NBPF20: variants seen among roughly 807,000 people sequenced by gnomAD.
NBPF20 encodes NBPF family member NBPF20.
Under a neutral mutation model 68.1 loss-of-function variants are expected in NBPF20, and 90 were observed. That is an observed-to-expected ratio of 1.32 (90% confidence interval 1.11 to 1.58). The LOEUF (loss-of-function observed/expected upper bound fraction) is 1.58. Ranked by LOEUF, NBPF20 falls within the 40% of genes most tolerant of loss-of-function variation. NBPF20 has a pLI of 0.00. For synonymous variants in NBPF20, 290 were observed against 228.1 expected (o/e 1.27, Z -2.45); for missense variants, 816 against 601.2 (o/e 1.36, Z -3.74).
the NBPF20 span, among the ~76,000 whole-genome samples, chr1:145,410,988 CTT>C: frequency 2.1e-5 from 3 of 142,490 alleles, no homozygotes; most frequent in Non-Finnish European, 4.6e-5. Flanking sequence ...TGGATTCTCT[CTT>C]CTCTTCCACT....
exon 10 of NBPF20, chr1:145,393,085 A>C (rs1318508769): frequency 3.4e-6 from 2 of 581,794 alleles, no homozygotes; most frequent in Admixed American, 6.8e-5. Flanking sequence ...ATCCATGTCA[A>C]CAGCCAAGCC....
intron 9 of NBPF20, among the ~76,000 whole-genome samples, chr1:145,393,467 A>ACG (rs1662030348): frequency 1.4e-5 from 2 of 141,326 alleles, no homozygotes; most frequent in South Asian, 4.3e-4. Context: ...AAACACACAC[A>ACG]CACACACACA....
At chr1:145,311,781 C>T (rs1348629836) in intron 112 of NBPF20, among the ~76,000 whole-genome samples, 1 of 71,362 alleles carries the variant, frequency 1.4e-5, no homozygotes, top group African/African-American at 9.7e-5. Flanking sequence ...AAAGCAAATG[C>T]CCCCAAATGG....
exon 6 of NBPF20, chr1:145,400,429 G>A (rs1482702632): frequency 6.2e-7 from 1 of 1,613,090 alleles, no homozygotes; most frequent in African/African-American, 1.3e-5. Context: ...CAACATGAGA[G>A]GATGAGCCAA....
chr1:145,404,222 ACT>A (rs1164599255), intron 2 of NBPF20, among the ~76,000 whole-genome samples: 5 of 142,618 alleles, frequency 3.5e-5, no homozygotes. Context: ...TCACCAAGCT[ACT>A]CTCTGCTTTT....
intron 9 of NBPF20, 62 bp from the exon 15 acceptor site, chr1:145,393,308 C>T (rs1414278066): frequency 3.0e-6 from 2 of 676,586 alleles, no homozygotes; most frequent in East Asian, 2.7e-5. Flanking sequence ...ACAGCCCCAG[C>T]TAGATTTCAT....
chr1:145,393,610 T>G, intron 9 of NBPF20: 1 of 709,544 alleles, frequency 1.4e-6, no homozygotes. Flanking sequence ...CCTCAATAAT[T>G]TTGCATAAAA....
intron 79 of NBPF20, among the ~76,000 whole-genome samples, chr1:145,338,042 C>A (rs1181001613): frequency 8.5e-5 from 8 of 94,524 alleles, no homozygotes; most frequent in Non-Finnish European, 4.4e-5. Flanking sequence ...CACACACACA[C>A]ACACACACAC....
chr1:145,421,795 C>T, the NBPF20 span, among the ~76,000 whole-genome samples: 45 of 152,130 alleles, frequency 3.0e-4, 1 homozygote, highest in Admixed American at 2.9e-3. Context: ...AATCCCAACA[C>T]TTTGAGATGC....
In NBPF20 at chr1:145,291,471, C is replaced by T. The variant is rs587662861; in HGVS notation, c.*55G>A. 148 of 1,611,700 alleles carry T rather than the reference C, an allele frequency of 9.2e-5. 1 individual carries two copies. Among genetic ancestry groups the T allele is most frequent in the South Asian group, 3.3e-4 (30 of 90,982 alleles). ...AACTGTACTTTCATTCAAATCTTCA[C>T]GTGCCTATAGGTCCTGCCTGCAGGA... is the stretch of plus-strand genomic sequence containing the variant. On this transcript the variant is annotated 3_prime_UTR_variant, in exon 138 of 138. Coordinates refer to ENST00000369373, the Ensembl canonical transcript of NBPF20.
upstream of NBPF20, among the ~76,000 whole-genome samples, chr1:145,406,243 T>C (rs1343674249): frequency 6.6e-6 from 1 of 151,930 alleles, no homozygotes; most frequent in Non-Finnish European, 1.5e-5. Flanking sequence ...CGACTTCTCT[T>C]TACTCAGGTG....
chr1:145,401,013 C>T (rs201059773), intron 5 of NBPF20, 46 bp downstream of exon 10: 61 of 1,533,156 alleles, frequency 4.0e-5, no homozygotes, highest in South Asian at 2.6e-4. Flanking sequence ...CTAGATATTC[C>T]TCATATGTTA....
At chr1:145,407,600 T>A (rs1337383856), upstream of NBPF20, among the ~76,000 whole-genome samples, 3 of 147,216 alleles carry the variant, frequency 2.0e-5, no homozygotes, top group South Asian at 2.1e-4. Context: ...ATATATATAT[T>A]TTTCTTTTTT....
chr1:145,400,020 C>T (rs1662440210), intron 6 of NBPF20, among the ~76,000 whole-genome samples: 1 of 152,168 alleles, frequency 6.6e-6, no homozygotes, highest in South Asian at 2.1e-4. Flanking sequence ...AATACAAAGG[C>T]AAGGCTGCCA....
chr1:145,394,122 G>C (rs1214784931), intron 8 of NBPF20, among the ~76,000 whole-genome samples, 187 bp from the exon 14 acceptor site: 3 of 152,176 alleles, frequency 2.0e-5, no homozygotes, highest in East Asian at 1.9e-4. Context: ...TCTTTCATGA[G>C]CCTTGGGCAA....
At chr1:145,397,356 A>C (rs1416471998) in intron 7 of NBPF20, among the ~76,000 whole-genome samples, 1 of 152,206 alleles carries the variant, frequency 6.6e-6, no homozygotes, top group Non-Finnish European at 1.5e-5. Flanking sequence ...TGCCTTCCAC[A>C]ATCGTTGAAC....
chr1:145,393,310 A>G (rs1662005550), intron 9 of NBPF20, 64 bp from the exon 15 acceptor site: 4 of 679,122 alleles, frequency 5.9e-6, no homozygotes, highest in African/African-American at 1.8e-5. Flanking sequence ...AGCCCCAGCT[A>G]GATTTCATGG....
At chr1:145,417,628 A>AC in the NBPF20 span, among the ~76,000 whole-genome samples, 3 of 148,920 alleles carry the variant, frequency 2.0e-5, no homozygotes, top group Middle Eastern at 3.4e-3. Flanking sequence ...AAGCAAAAAA[A>AC]AAAAAAAAAA....
the NBPF20 span, among the ~76,000 whole-genome samples, chr1:145,423,597 C>A: frequency 6.6e-6 from 1 of 152,074 alleles, no homozygotes; most frequent in Non-Finnish European, 1.5e-5. Context: ...AACAGAAAAA[C>A]AAACATATCA....
Sources: allele counts gnomAD v4.1 joint callset (sites outside exome capture counted in the v4.1 genomes callset), GRCh38; gene constraint gnomAD v4.1.1; transcripts MANE v1.5; gene names NCBI Gene and HGNC (gene_info 2026-07-23, HGNC 2026-07-21).